Variants in NFATC1 observed in about 807,000 individuals in gnomAD.
NFATC1 encodes nuclear factor of activated T-cells, cytoplasmic 1.
A neutral mutation model predicts 76.0 loss-of-function variants in NFATC1; 22 were observed. The ratio of observed to expected loss-of-function variants is 0.29; its 90% CI spans 0.21 to 0.41. The LOEUF (loss-of-function observed/expected upper bound fraction) is 0.41. NFATC1 is among the 10% of genes least tolerant of loss of function. The probability of loss-of-function intolerance (pLI) is 1.00; values close to 1 mark genes in which losing one functional copy is unlikely to be tolerated. For missense variants in NFATC1, 1,357 were observed against 1,337.7 expected (o/e 1.01, Z -0.23); for synonymous variants, 704 against 613.1 (o/e 1.15, Z -2.19).
At position 79,411,397 on chromosome 18, in the gene NFATC1, C is replaced by T. The variant is rs1370784262; in HGVS notation, c.1122C>T (p.Phe374=). The T allele has an allele frequency of 5.1e-6, 8 of 1,573,604 alleles. No individual in the cohort carries two copies. The Admixed American group carries it at 1.1e-4, about 22-fold the overall frequency. ...TCGCGCCCGAAGACTACTCCTCTTT[C>T]CAGCACATCAGGAAGGGCGGCTTCT... ...ADFAPEDYSS[F]QHIRKGGFCD... The change falls in exon 2 of 10, where the codon TTC becomes TTT. Residue 374 remains phenylalanine (F), a synonymous_variant. Coordinates refer to ENST00000427363, the MANE Select transcript of NFATC1 (RefSeq NM_001278669.2).
intron 8 of NFATC1, among the ~76,000 whole-genome samples, chr18:79,479,521 C>T (rs998876229): frequency 3.3e-5 from 5 of 152,258 alleles, no homozygotes; most frequent in Admixed American, 3.3e-4. Flanking sequence ...TTAGGCCAAG[C>T]CCAGGTGCAG....
intron 1 of NFATC1, among the ~76,000 whole-genome samples, chr18:79,400,015 T>C (rs2148124476): frequency 6.6e-6 from 1 of 151,330 alleles, no homozygotes; most frequent in East Asian, 2.0e-4. Context: ...GGGCGCAGCC[T>C]TAGGTACCTG....
chr18:79,498,313 T>A (rs1372660699), intron 9 of NFATC1: 1 of 149,534 alleles, frequency 6.7e-6, no homozygotes, highest in African/African-American at 2.5e-5. Flanking sequence ...GTGGCAAATA[T>A]ATCTTACCAG....
At chr18:79,494,916 C>T (rs979477280) in intron 9 of NFATC1, among the ~76,000 whole-genome samples, 2 of 149,050 alleles carry the variant, frequency 1.3e-5, no homozygotes, top group East Asian at 2.0e-4. Context: ...CGGGGGAAAG[C>T]GAGAGCGGGC....
intron 7 of NFATC1, among the ~76,000 whole-genome samples, chr18:79,463,552 C>A (rs1348085943): frequency 6.6e-6 from 1 of 150,738 alleles, no homozygotes; most frequent in African/African-American, 2.5e-5. Context: ...TGGCTCCCCG[C>A]TGGCCGGGCG....
chr18:79,462,429 C>T (rs2088157014), intron 7 of NFATC1, among the ~76,000 whole-genome samples: 2 of 152,098 alleles, frequency 1.3e-5, no homozygotes. Flanking sequence ...CTCCACCTCC[C>T]GAGTAGCTGG....
intron 8 of NFATC1, among the ~76,000 whole-genome samples, chr18:79,475,069 A>C (rs2088996663): frequency 8.6e-6 from 1 of 116,350 alleles, no homozygotes; most frequent in African/African-American, 4.2e-5. Flanking sequence ...ACCTGAGGGA[A>C]GTGTGTTCTC....
At position 79,486,808 on chromosome 18, in the gene NFATC1, G is replaced by C; in HGVS notation, c.2653G>C (p.Asp885His). Residue 885 changes from aspartate to histidine, a missense_variant, in exon 9 of 10, where the codon GAC becomes CAC. By Grantham distance (81) the Asp-to-His change is moderately conservative (BLOSUM62 -1). Coordinates refer to ENST00000427363, the MANE Select transcript of NFATC1 (RefSeq NM_001278669.2). Reference protein sequence around the residue: ...PQHLPSTVRRDESPTAGPRLL... With the variant: ...PQHLPSTVRRHESPTAGPRLL... Reference sequence around the variant, plus strand: ...GCACCTGCCGTCCACGGTCCGCAGGGACGAGTCTCCGACTGCCGGGCCACG... The same window carrying C: ...GCACCTGCCGTCCACGGTCCGCAGGCACGAGTCTCCGACTGCCGGGCCACG... 1 of 1,611,444 alleles carries C rather than the reference G, an allele frequency of 6.2e-7. No individual in the cohort carries two copies. Among genetic ancestry groups the C allele is most frequent in the Non-Finnish European group, 8.5e-7 (1 of 1,179,340 alleles).
At chr18:79,400,546 C>G in intron 1 of NFATC1, 2 of 1,259,414 alleles carry the variant, frequency 1.6e-6, no homozygotes, top group South Asian at 4.6e-5. Context: ...CCCAGGCCCC[C>G]TCCGCGTCCT....
chr18:79,452,441 T>C (rs2087516217), intron 6 of NFATC1, among the ~76,000 whole-genome samples: 1 of 152,122 alleles, frequency 6.6e-6, no homozygotes, highest in South Asian at 2.1e-4. Context: ...GTGATGTTCC[T>C]CCTGGGGCCG....
intron 3 of NFATC1, among the ~76,000 whole-genome samples, chr18:79,447,974 T>C (rs1278365710): frequency 2.0e-5 from 3 of 152,224 alleles, no homozygotes; most frequent in Admixed American, 2.0e-4. Flanking sequence ...TGCCCTGCCG[T>C]GAGGCGCACA....
chr18:79,518,459 T>C (rs1225498669), intron 9 of NFATC1, among the ~76,000 whole-genome samples: 1 of 152,198 alleles, frequency 6.6e-6, no homozygotes, highest in Non-Finnish European at 1.5e-5. Flanking sequence ...TGTGTTCTGA[T>C]GGGCGGTAAC....
At chr18:79,412,886 C>T (rs1236416989) in intron 2 of NFATC1, among the ~76,000 whole-genome samples, 1 of 152,228 alleles carries the variant, frequency 6.6e-6, no homozygotes, top group Non-Finnish European at 1.5e-5. Flanking sequence ...TCTATCCCAA[C>T]TTCTGTTTTT....
At chr18:79,456,654 C>G (rs865959520) in intron 6 of NFATC1, among the ~76,000 whole-genome samples, 2 of 152,244 alleles carry the variant, frequency 1.3e-5, no homozygotes, top group South Asian at 4.1e-4. Context: ...CTTGCTGTCC[C>G]TCCTCTGTCC....
At chr18:79,398,204 G>A (rs1435016639) in intron 1 of NFATC1, among the ~76,000 whole-genome samples, 3 of 152,228 alleles carry the variant, frequency 2.0e-5, no homozygotes, top group African/African-American at 7.2e-5. Flanking sequence ...CATGGAGAAC[G>A]CAGAGAAGTA....
At chr18:79,503,347 G>A (rs573092544) in intron 9 of NFATC1, among the ~76,000 whole-genome samples, 60 of 152,312 alleles carry the variant, frequency 3.9e-4, no homozygotes, top group African/African-American at 1.3e-3. Flanking sequence ...TAAAAGTGAC[G>A]CTCACACTGT....
intron 2 of NFATC1, chr18:79,422,891 C>T (rs1041418612): frequency 1.3e-5 from 2 of 152,024 alleles, no homozygotes; most frequent in African/African-American, 4.8e-5. Context: ...GGGAGGAGGC[C>T]TACAGGGAGC....
intron 9 of NFATC1, among the ~76,000 whole-genome samples, chr18:79,503,350 C>T (rs1049654887): frequency 2.0e-5 from 3 of 152,196 alleles, no homozygotes; most frequent in Non-Finnish European, 2.9e-5. Flanking sequence ...AAGTGACGCT[C>T]ACACTGTACT....
At chr18:79,513,084 A>T (rs1051087748) in intron 9 of NFATC1, among the ~76,000 whole-genome samples, 2 of 152,156 alleles carry the variant, frequency 1.3e-5, no homozygotes, top group Non-Finnish European at 2.9e-5. Context: ...TCACTTTCGA[A>T]CGCTCGGCTC....
Sources: allele counts gnomAD v4.1 joint callset (sites outside exome capture counted in the v4.1 genomes callset), GRCh38; gene constraint gnomAD v4.1.1; transcripts MANE v1.5; gene names NCBI Gene and HGNC (gene_info 2026-07-23, HGNC 2026-07-21).